Variants in DPYD observed in about 807,000 individuals in gnomAD.
DPYD encodes the protein dihydropyrimidine dehydrogenase, also known as dihydropyrimidine dehydrogenase [NADP(+)].
A neutral mutation model predicts 116.2 loss-of-function variants in DPYD; 109 were observed. That is an observed-to-expected ratio of 0.94 (90% CI 0.80 to 1.10). The LOEUF is 1.10. DPYD is among the 50% of genes least tolerant of loss of function. DPYD has a pLI of 0.00. For synonymous variants in DPYD, 440 were observed against 432.0 expected (o/e 1.02, Z -0.23); for missense variants, 1,302 against 1,254.5 (o/e 1.04, Z -0.57).
chr1:97,533,306 A>ACCC (rs1211926993), intron 12 of DPYD, among the ~76,000 whole-genome samples: 1 of 152,172 alleles, frequency 6.6e-6, no homozygotes, highest in Non-Finnish European at 1.5e-5. Flanking sequence ...GTAGACTATT[A>ACCC]TAGCCTCTAC....
chr1:97,430,185 G>A (rs1472014827), intron 14 of DPYD, among the ~76,000 whole-genome samples: 1 of 152,186 alleles, frequency 6.6e-6, no homozygotes, highest in East Asian at 1.9e-4. Context: ...AGTGATGGCT[G>A]GGAGTAAATC....
chr1:97,488,174 A>G (rs998347798), intron 13 of DPYD, among the ~76,000 whole-genome samples: 1 of 152,148 alleles, frequency 6.6e-6, no homozygotes, highest in Non-Finnish European at 1.5e-5. Flanking sequence ...TTAAAAGCCA[A>G]TTTCAAAAGA....
At chr1:97,113,523 G>C (rs1348025175) in intron 20 of DPYD, among the ~76,000 whole-genome samples, 1 of 152,056 alleles carries the variant, frequency 6.6e-6, no homozygotes, top group East Asian at 1.9e-4. Flanking sequence ...AGTTAGATTT[G>C]AGAAAGTAAG....
intron 14 of DPYD, among the ~76,000 whole-genome samples, chr1:97,437,106 A>T (rs536640658): frequency 1.3e-5 from 2 of 151,938 alleles, no homozygotes; most frequent in Admixed American, 1.3e-4. Flanking sequence ...ATACTTTAAG[A>T]CCATTATCAC....
At chr1:97,765,115 A>G (rs1665778375) in intron 3 of DPYD, among the ~76,000 whole-genome samples, 5 of 152,200 alleles carry the variant, frequency 3.3e-5, no homozygotes, top group Admixed American at 2.6e-4. Flanking sequence ...AAAGCTTAAA[A>G]ATATAAATGC....
intron 20 of DPYD, among the ~76,000 whole-genome samples, chr1:97,174,386 T>G (rs2101782426): frequency 6.6e-6 from 1 of 152,254 alleles, no homozygotes; most frequent in Non-Finnish European, 1.5e-5. Flanking sequence ...CCTACTCCAC[T>G]CCTCAAGGAG....
intron 7 of DPYD, 39 bp from the exon 8 acceptor site, chr1:97,679,221 ATGAT>A (rs1247756350): frequency 8.9e-7 from 1 of 1,122,802 alleles, no homozygotes; most frequent in African/African-American, 1.6e-5. Flanking sequence ...AATTTGGCAT[ATGAT>A]TAATTAAAAT....
intron 3 of DPYD, among the ~76,000 whole-genome samples, chr1:97,778,981 T>C (rs1557954687): frequency 1.3e-5 from 2 of 152,130 alleles, no homozygotes. Context: ...ATTTTCAGAA[T>C]ATTCTGTTAT....
chr1:97,856,379 C>T (rs1367692894), intron 2 of DPYD: 1 of 151,916 alleles, frequency 6.6e-6, no homozygotes, highest in Admixed American at 6.6e-5. Context: ...AAGAGATGGA[C>T]ACCTATAAAA....
At chr1:97,822,330 A>G (rs1668987593) in intron 3 of DPYD, among the ~76,000 whole-genome samples, 1 of 148,136 alleles carries the variant, frequency 6.8e-6, no homozygotes, top group Non-Finnish European at 1.5e-5. Flanking sequence ...CTGTATATAT[A>G]CACAGATTTT....
chr1:97,740,272 G>C, intron 4 of DPYD, 120 bp downstream of exon 4: 1 of 755,362 alleles, frequency 1.3e-6, no homozygotes. Flanking sequence ...AATGCCTATA[G>C]AAGTCATATT....
chr1:97,707,919 C>A (rs779340684), intron 5 of DPYD, among the ~76,000 whole-genome samples: 1 of 151,992 alleles, frequency 6.6e-6, no homozygotes, highest in Non-Finnish European at 1.5e-5. Flanking sequence ...TGAAGTATGT[C>A]TTTTGCAAAT....
At chr1:97,658,618 T>C (rs565558322) in intron 8 of DPYD, among the ~76,000 whole-genome samples, 1 of 152,170 alleles carries the variant, frequency 6.6e-6, no homozygotes, top group Admixed American at 6.5e-5. Flanking sequence ...TTTGCCCAAG[T>C]TCAATCTCTA....
intron 8 of DPYD, among the ~76,000 whole-genome samples, chr1:97,600,996 G>T (rs572394929): frequency 6.6e-6 from 1 of 152,214 alleles, no homozygotes; most frequent in South Asian, 2.1e-4. Flanking sequence ...AACAAGGAAA[G>T]TATTAACAGC....
intron 19 of DPYD, among the ~76,000 whole-genome samples, chr1:97,230,498 G>A (rs1661514746): frequency 6.6e-6 from 1 of 152,190 alleles, no homozygotes; most frequent in African/African-American, 2.4e-5. Context: ...TGAAGGATGG[G>A]AGGAGGGAGA....
chr1:97,429,050 T>C (rs1199513310), intron 14 of DPYD, among the ~76,000 whole-genome samples: 2 of 152,058 alleles, frequency 1.3e-5, no homozygotes, highest in Non-Finnish European at 1.5e-5. Flanking sequence ...TTTTTAGAAA[T>C]GAACATTAGA....
intron 18 of DPYD, among the ~76,000 whole-genome samples, chr1:97,291,438 A>G (rs2100985766): frequency 6.6e-6 from 1 of 151,910 alleles, no homozygotes; most frequent in South Asian, 2.1e-4. Flanking sequence ...GAACCAACCC[A>G]AATGTCCAAC....
chr1:97,115,280 A>T (rs1651883634), intron 20 of DPYD, among the ~76,000 whole-genome samples: 1 of 152,156 alleles, frequency 6.6e-6, no homozygotes, highest in Admixed American at 6.6e-5. Flanking sequence ...GTATTGCAAC[A>T]TTTTGTGTTT....
chr1:97,563,376 T>C (rs928309698), intron 11 of DPYD, among the ~76,000 whole-genome samples: 27 of 152,220 alleles, frequency 1.8e-4, no homozygotes, highest in Non-Finnish European at 1.0e-4. Context: ...ATCTATTACA[T>C]TAAATACATC....
Sources: allele counts gnomAD v4.1 joint callset (sites outside exome capture counted in the v4.1 genomes callset), GRCh38; gene constraint gnomAD v4.1.1; transcripts MANE v1.5; gene names NCBI Gene and HGNC (gene_info 2026-07-23, HGNC 2026-07-21).